Variants in ZNF704 observed in about 807,000 individuals in gnomAD.
ZNF704 encodes glucocorticoid induced gene 1.
ZNF704 carries 10 observed loss-of-function variants against 44.7 expected under a neutral mutation model. The observed-to-expected ratio is 0.22, with a 90% confidence interval of 0.14 to 0.38. ZNF704 has a LOEUF of 0.38. ZNF704 is among the 10% of genes least tolerant of loss of function. The probability of loss-of-function intolerance (pLI) is 1.00; values close to 1 mark genes in which losing one functional copy is unlikely to be tolerated. For synonymous variants in ZNF704, 211 were observed against 207.6 expected, an observed-to-expected ratio of 1.02 and a Z score of -0.14; for missense variants, 390 against 545.5, an observed-to-expected ratio of 0.71 and a Z score of 2.84.
rs543118585 is a variant in ZNF704 at position 80,737,884 on chromosome 8, AC to A, written c.222-44778del. 2.6e-5 allele frequency among the ~76,000 whole-genome samples: 4 copies of A among 152,244 alleles called. No homozygotes were observed. The South Asian group carries it at 8.3e-4, about 32-fold the overall frequency. On this transcript the variant is annotated intron_variant, in intron 2 of 8. Transcript: ENST00000327835. ...TAAACTCTAGACTGTATTCAGATTC[AC>A]CAATGTTTTCATTAATGTCCCTTTT...
chr8:80,740,729 TCTTTGC>T (rs1806742575), intron 2 of ZNF704, among the ~76,000 whole-genome samples: 2 of 152,232 alleles, frequency 1.3e-5, no homozygotes, highest in Admixed American at 1.3e-4. Flanking sequence ...TCTCAATTCT[TCTTTGC>T]CTTTGAAGAT....
chr8:80,860,138 C>G (rs1048667132), intron 1 of ZNF704, among the ~76,000 whole-genome samples: 2 of 152,210 alleles, frequency 1.3e-5, no homozygotes, highest in African/African-American at 4.8e-5. Context: ...AACCTCTGTA[C>G]TTCTGTGTGG....
chr8:80,747,360 A>G (rs1364611618), intron 2 of ZNF704, among the ~76,000 whole-genome samples: 1 of 152,166 alleles, frequency 6.6e-6, no homozygotes, highest in African/African-American at 2.4e-5. Context: ...TATAGTTTAT[A>G]CCATAAATAG....
chr8:80,821,706 T>C, intron 1 of ZNF704, 91 bp from the exon 2 acceptor site: 1 of 870,798 alleles, frequency 1.1e-6, no homozygotes, highest in Non-Finnish European at 1.8e-6. Flanking sequence ...TTACAGACAC[T>C]GTCCTTCCTG....
chr8:80,642,646 T>C (rs1817761756), intron 8 of ZNF704, among the ~76,000 whole-genome samples: 1 of 152,174 alleles, frequency 6.6e-6, no homozygotes, highest in Non-Finnish European at 1.5e-5. Flanking sequence ...AAAGTAAAAC[T>C]GTGGATAAAA....
intron 2 of ZNF704, among the ~76,000 whole-genome samples, chr8:80,771,080 T>C (rs536630250): frequency 6.6e-6 from 1 of 152,330 alleles, no homozygotes; most frequent in African/African-American, 2.4e-5. Flanking sequence ...CATCTATGTG[T>C]CTATCTCTCC....
upstream of ZNF704, among the ~76,000 whole-genome samples, chr8:80,878,913 T>C (rs572274755): frequency 1.9e-4 from 29 of 152,372 alleles, no homozygotes; most frequent in South Asian, 4.1e-3. Flanking sequence ...GGTGCAATTT[T>C]GTCTTTGTTG....
rs535400015 is a variant in ZNF704 at position 80,868,774 on chromosome 8, T to G, written c.-22+5797A>C. The stretch of plus-strand genomic sequence containing the variant: ...TTTTTTTGGCTTACCCTTTGTTTTC[T>G]CCAACCCACTGACACATGATTTTTC... On this transcript the variant is annotated intron_variant, in intron 1 of 8. Transcript: ENST00000327835. 3.3e-5 allele frequency among the ~76,000 whole-genome samples: 5 copies of G among 152,324 alleles called. No homozygotes were observed. In the South Asian group the frequency reaches 1.0e-3, roughly 32 times the overall value.
At chr8:80,856,774 A>T (rs2130022054) in intron 1 of ZNF704, among the ~76,000 whole-genome samples, 1 of 152,344 alleles carries the variant, frequency 6.6e-6, no homozygotes, top group South Asian at 2.1e-4. Context: ...AAGTTCTGAA[A>T]TCAAGTAGAT....
intron 2 of ZNF704, among the ~76,000 whole-genome samples, chr8:80,699,124 T>C (rs1818770804): frequency 6.6e-6 from 1 of 152,182 alleles, no homozygotes; most frequent in South Asian, 2.1e-4. Flanking sequence ...TTTTAAAAAC[T>C]TGTGATATTC....
At chr8:80,736,088 T>C (rs1294149107) in intron 2 of ZNF704, among the ~76,000 whole-genome samples, 2 of 152,236 alleles carry the variant, frequency 1.3e-5, no homozygotes, top group South Asian at 2.1e-4. Context: ...ACTCTTATAG[T>C]AAAGCTTGTT....
At chr8:80,659,795 A>G in intron 6 of ZNF704, 106 bp from the exon 7 acceptor site, 2 of 934,376 alleles carry the variant, frequency 2.1e-6, no homozygotes, top group Non-Finnish European at 3.3e-6. Context: ...CAGCTATATT[A>G]ATAACTTGGA....
chr8:80,685,361 G>A (rs1818518456), intron 4 of ZNF704, among the ~76,000 whole-genome samples: 1 of 152,008 alleles, frequency 6.6e-6, no homozygotes. Context: ...ATAACATTGG[G>A]GTTCCCTGTA....
intron 2 of ZNF704, among the ~76,000 whole-genome samples, chr8:80,731,120 C>T (rs770135001): frequency 3.9e-5 from 6 of 152,192 alleles, no homozygotes; most frequent in Non-Finnish European, 5.9e-5. Flanking sequence ...TCTGTCCCTA[C>T]CTGCATGAAC....
At chr8:80,643,007 G>A in intron 8 of ZNF704, 28 bp downstream of exon 8, 5 of 1,479,502 alleles carry the variant, frequency 3.4e-6, no homozygotes, top group South Asian at 1.3e-5. Context: ...TTGTGGTGAG[G>A]TGTGTGGAGT....
intron 2 of ZNF704, among the ~76,000 whole-genome samples, chr8:80,770,093 C>T (rs757006419): frequency 1.3e-5 from 2 of 152,154 alleles, no homozygotes; most frequent in African/African-American, 4.8e-5. Context: ...GAGAACAGCA[C>T]AGGAAAGACC....
intron 4 of ZNF704, among the ~76,000 whole-genome samples, chr8:80,674,169 C>T (rs1173623795): frequency 6.6e-6 from 1 of 152,214 alleles, no homozygotes; most frequent in Non-Finnish European, 1.5e-5. Flanking sequence ...TTTCAGCCTT[C>T]CTGACCTCCT....
rs1206604059 is a variant in ZNF704, at chr8:80,659,576, T to C, written c.1032+9A>G. On this transcript the variant is annotated intron_variant, in intron 7 of 8. Coordinates refer to ENST00000327835, the MANE Select transcript of ZNF704 (RefSeq NM_001033723.3). ...ACCAGATTTTTGGCTTTTTCGTTTT[T>C]CTACTTACTGGGATGCCTGTGAAAG... 6.2e-7 allele frequency: 1 copy of C among 1,613,674 alleles called. No individual in the cohort carries two copies. The highest frequency in any genetic ancestry group is 1.7e-5 in the Admixed American group (1 of 60,012).
chr8:80,664,272 A>AT (rs146856594), intron 6 of ZNF704, among the ~76,000 whole-genome samples: 2,999 of 126,706 alleles, frequency 0.024, 92 homozygotes, highest in African/African-American at 0.075. Context: ...AACATTAGGG[A>AT]TTTTTTTTTT....
Sources: gnomAD v4.1 joint callset for allele counts (sites outside exome capture counted in the v4.1 genomes callset) on GRCh38, gnomAD v4.1.1 for gene constraint, MANE v1.5 for transcripts, NCBI Gene and HGNC (gene_info 2026-07-23, HGNC 2026-07-21) for gene names.